The following FOXI3 variants were observed in gnomAD, a reference collection of about 807,000 sequenced individuals.
FOXI3 encodes the protein forkhead box I3.
A neutral mutation model predicts 15.6 loss-of-function variants in FOXI3; 4 were observed. The ratio of observed to expected loss-of-function variants is 0.26; its 90% CI spans 0.13 to 0.59. The LOEUF is 0.59. FOXI3 is among the 20% of genes least tolerant of loss of function. The probability of loss-of-function intolerance (pLI) is 0.90; values close to 1 mark genes in which losing one functional copy is unlikely to be tolerated. For synonymous variants in FOXI3, 238 were observed against 244.4 expected (o/e 0.97, Z 0.25); for missense variants, 489 against 548.2 (o/e 0.89, Z 1.08).
In FOXI3 at chr2:88,447,931, G is replaced by T; in HGVS notation, c.*276C>A. On this transcript the variant is annotated 3_prime_UTR_variant, in exon 2 of 2. Coordinates refer to ENST00000428390, the MANE Select transcript of FOXI3 (RefSeq NM_001135649.3). Reference sequence around the variant, plus strand: ...ATAGACATGGTCCCCGCCCTCACGGGGCTCACAGGCTACCTATCACAGAAG... The same window carrying T: ...ATAGACATGGTCCCCGCCCTCACGGTGCTCACAGGCTACCTATCACAGAAG... 1 of 498,644 alleles carries T rather than the reference G, an allele frequency of 2.0e-6. No homozygotes were observed. The highest frequency in any genetic ancestry group is 3.6e-6 in the Non-Finnish European group (1 of 276,756). The allele number at this position is 498,644 out of a possible 1,614,324, so 30.9% of individuals were successfully genotyped here.
chr2:88,451,805 A>C (rs1676051571), intron 1 of FOXI3, 91 bp downstream of exon 1: 1 of 1,529,308 alleles, frequency 6.5e-7, no homozygotes, highest in African/African-American at 1.4e-5. Flanking sequence ...GACTCCTGGC[A>C]GATCTTCCAG....
rs1675985093 is a variant in FOXI3 at position 88,448,473 on chromosome 2, C to T, written c.997G>A (p.Ala333Thr). The change falls in exon 2 of 2, where the codon GCT becomes ACT. Residue 333 changes from alanine to threonine, a missense_variant. Physicochemically the swap from Ala to Thr is moderately conservative, Grantham distance 58. Coordinates refer to ENST00000428390, the MANE Select transcript of FOXI3 (RefSeq NM_001135649.3). ...SVSSSVSTQR[A>T]LPGSRHLGIQ... ...CCTAGGTGGCGGCTGCCAGGGAGAG[C>T]CCGCTGGGTACTCACACTGCTGCTG... 1.3e-6 allele frequency: 2 copies of T among 1,551,674 alleles called. No homozygotes were observed. Among genetic ancestry groups the T allele is most frequent in the Non-Finnish European group, 1.7e-6 (2 of 1,146,994 alleles).
Position 88,449,622 on chromosome 2 carries a change from A to C in FOXI3, c.641-793T>G, listed in dbSNP as rs139111825. On this transcript the variant is annotated intron_variant, in intron 1 of 1. Coordinates refer to ENST00000428390, the MANE Select transcript of FOXI3 (RefSeq NM_001135649.3). ...AATAAATTTCAGACACCAGGGCCTC[A>C]TTTTTCTGCATGTAATGCTAGTTTT... 2.1e-4 allele frequency among the ~76,000 whole-genome samples: 32 copies of C among 152,236 alleles called. No individual in the cohort carries two copies. In the East Asian group the frequency reaches 6.2e-3, roughly 29 times the overall value.
At chr2:88,450,475 C>T (rs929520297) in intron 1 of FOXI3, among the ~76,000 whole-genome samples, 4 of 151,518 alleles carry the variant, frequency 2.6e-5, no homozygotes, top group African/African-American at 9.7e-5. Context: ...TGGGCTAAGC[C>T]GCCTCCACTT....
rs1675967658 is a variant in FOXI3, at chr2:88,448,058, A to C, written c.*149T>G. ...TTATCTACTACACCCTCATTACTCC[A>C]AGTGTGGTCAAAGGACCACGAGATC... On this transcript the variant is annotated 3_prime_UTR_variant, in exon 2 of 2. Transcript: ENST00000428390. 1 of 687,138 alleles carries C rather than the reference A, an allele frequency of 1.5e-6. No individual in the cohort carries two copies. The highest frequency in any genetic ancestry group is 1.9e-5 in the South Asian group (1 of 52,736). The allele number at this position is 687,138 out of a possible 1,614,324, so 42.6% of individuals were successfully genotyped here.
chr2:88,452,412 A>G lies in FOXI3; in HGVS notation c.124T>C (p.Tyr42His). ...AARAPYGLADYAAPPAAAANP... is the reference protein window; with the variant it reads ...AARAPYGLADHAAPPAAAANP... Reference sequence around the variant, plus strand: ...GCGGCGGCGGCCGGCGGCGCGGCGTAGTCGGCCAGCCCGTAAGGCGCCCTG... The same window carrying G: ...GCGGCGGCGGCCGGCGGCGCGGCGTGGTCGGCCAGCCCGTAAGGCGCCCTG... The change falls in exon 1 of 2, where the codon TAC becomes CAC. Residue 42 changes from tyrosine to histidine, a missense_variant. Physicochemically the swap from Tyr to His is moderately conservative, Grantham distance 83 (BLOSUM62 2). Transcript: ENST00000428390. 1 of 1,001,494 alleles carries G rather than the reference A, an allele frequency of 1.0e-6. No homozygotes were observed. The highest frequency in any genetic ancestry group is 1.2e-6 in the Non-Finnish European group (1 of 843,420). The allele number at this position is 1,001,494 out of a possible 1,614,324, so 62.0% of individuals were successfully genotyped here.
chr2:88,448,737 T>C lies in FOXI3; in HGVS notation c.733A>G (p.Ser245Gly). Residue 245 changes from serine (S) to glycine (G), a missense_variant, in exon 2 of 2, where the codon AGC becomes GGC. By Grantham distance (56) the Ser-to-Gly change is moderately conservative. Coordinates refer to ENST00000428390, the MANE Select transcript of FOXI3 (RefSeq NM_001135649.3). ...RRKRKRRSEASNGSTVAAGTS... is the reference protein window; with the variant it reads ...RRKRKRRSEAGNGSTVAAGTS... ...CCAGCAGCCACTGTGGAGCCATTGC[T>C]GGCCTCAGAGCGGCGCTTTCGCTTC... 1 of 1,552,000 alleles carries C rather than the reference T, an allele frequency of 6.4e-7. No homozygotes were observed. Among genetic ancestry groups the C allele is most frequent in the Non-Finnish European group, 8.7e-7 (1 of 1,147,066 alleles).
At chr2:88,451,640 G>T (rs1284539012) in intron 1 of FOXI3, among the ~76,000 whole-genome samples, 1 of 152,046 alleles carries the variant, frequency 6.6e-6, no homozygotes, top group Non-Finnish European at 1.5e-5. Context: ...GATTTTTTTC[G>T]TTTCTCTAAT....
Position 88,448,408 on chromosome 2 carries a change from G to A in FOXI3, c.1062C>T (p.Ser354=). ...CTGAGGCCTCTGAGATGGAGGTCGG[G>A]GAGAACACGCCGCTGGAGGGCAGCT... is the stretch of plus-strand genomic sequence containing the variant. ...GAQLPSSGVF[S]PTSISEASAD... Residue 354 remains serine, a synonymous_variant, in exon 2 of 2, where the codon TCC becomes TCT. Coordinates refer to ENST00000428390, the MANE Select transcript of FOXI3 (RefSeq NM_001135649.3). The A allele has an allele frequency of 6.4e-7, 1 of 1,551,692 alleles. No homozygotes were observed. Among genetic ancestry groups the A allele is most frequent in the Non-Finnish European group, 8.7e-7 (1 of 1,146,984 alleles).
Position 88,452,660 on chromosome 2 carries a change from G to T in FOXI3, c.-125C>A. ...GGCTCCGCCTTCACCCGCGCTGGGC[G>T]CCCGGTGCTCCGGGCCGGGGTCGGG... On this transcript the variant is annotated 5_prime_UTR_variant, in exon 1 of 2. Transcript: ENST00000428390. The T allele has an allele frequency of 2.0e-6, 1 of 508,304 alleles. No individual in the cohort carries two copies. Among genetic ancestry groups the T allele is most frequent in the Non-Finnish European group, 2.6e-6 (1 of 381,742 alleles). 31.5% of individuals were successfully genotyped at this position (508,304 alleles called of 1,614,324 possible).
At chr2:88,451,169 A>G (rs531171720) in intron 1 of FOXI3, among the ~76,000 whole-genome samples, 1 of 152,236 alleles carries the variant, frequency 6.6e-6, no homozygotes, top group East Asian at 1.9e-4. Flanking sequence ...TCTACCTCTC[A>G]GAGAAGGTTA....
intron 1 of FOXI3, among the ~76,000 whole-genome samples, chr2:88,450,521 T>A (rs920237216): frequency 6.6e-6 from 1 of 151,402 alleles, no homozygotes; most frequent in African/African-American, 2.4e-5. Context: ...GGGAAAAAAA[T>A]TACATAACTA....
intron 1 of FOXI3, among the ~76,000 whole-genome samples, chr2:88,451,491 T>G (rs542155530): frequency 4.6e-5 from 7 of 152,272 alleles, no homozygotes; most frequent in African/African-American, 1.7e-4. Flanking sequence ...CCGCGTCTTC[T>G]GCGAAACGTG....
At chr2:88,450,171 C>G (rs1676017283) in intron 1 of FOXI3, among the ~76,000 whole-genome samples, 1 of 151,972 alleles carries the variant, frequency 6.6e-6, no homozygotes, top group African/African-American at 2.4e-5. Flanking sequence ...TGGCTCACGC[C>G]TATAATCCTA....
In FOXI3 at chr2:88,451,976, G is replaced by A; in HGVS notation, c.560C>T (p.Ala187Val). The A allele has an allele frequency of 6.2e-7, 1 of 1,612,426 alleles. No homozygotes were observed. The highest frequency in any genetic ancestry group is 8.5e-7 in the Non-Finnish European group (1 of 1,179,294). The stretch of plus-strand genomic sequence containing the variant: ...GTGGCGGATGGAGTTCTGCCAGCCG[G>A]CCTTGCTGCGCTGGTAGAAGGGGAA... ...DSFPFYQRSK[A>V]GWQNSIRHNL... Residue 187 changes from alanine to valine, a missense_variant, in exon 1 of 2, where the codon GCC (alanine) becomes GTC (valine). By Grantham distance (64) the Ala-to-Val change is moderately conservative. This residue lies in a region of FOXI3 where 224 missense variants were observed against 245.7 expected (regional missense o/e 0.91). Coordinates refer to ENST00000428390, the MANE Select transcript of FOXI3 (RefSeq NM_001135649.3).
At position 88,452,185 on chromosome 2, in the gene FOXI3, G is replaced by C; in HGVS notation, c.351C>G (p.Pro117=). The change falls in exon 1 of 2, where the codon CCC becomes CCG. Residue 117 remains proline, a synonymous_variant. Coordinates refer to ENST00000428390, the MANE Select transcript of FOXI3 (RefSeq NM_001135649.3). The part of the protein sequence containing the change: ...RPFAQPAPAA[P]ASPAAPAGPG... ...GCCCCGCGGGCGCGGCGGGCGAGGC[G>C]GGCGCGGCGGGCGCGGGCTGCGCGA... 8.1e-7 allele frequency: 1 copy of C among 1,230,662 alleles called. No individual in the cohort carries two copies. The highest frequency in any genetic ancestry group is 1.6e-5 in the African/African-American group (1 of 62,580). 76.2% of individuals were successfully genotyped at this position (1,230,662 alleles called of 1,614,324 possible).
chr2:88,450,216 A>C (rs765154084), intron 1 of FOXI3, among the ~76,000 whole-genome samples: 1 of 152,134 alleles, frequency 6.6e-6, no homozygotes, highest in Non-Finnish European at 1.5e-5. Context: ...GGGTCACTTG[A>C]AGCTTAGCAG....
Position 88,451,999 on chromosome 2 carries a change from G to A in FOXI3, c.537C>T (p.Phe179=), listed in dbSNP as rs1196255182. The A allele has an allele frequency of 5.0e-6, 8 of 1,611,370 alleles. No homozygotes were observed. The highest frequency in any genetic ancestry group is 6.8e-6 in the Non-Finnish European group (8 of 1,178,758). Residue 179 remains phenylalanine, a synonymous_variant, in exon 1 of 2, where the codon TTC becomes TTT. Transcript: ENST00000428390. Reference sequence around the variant, plus strand: ...CGGCCTTGCTGCGCTGGTAGAAGGGGAAGCTATCGGCGACGAACTGGTAGA... The same window carrying A: ...CGGCCTTGCTGCGCTGGTAGAAGGGAAAGCTATCGGCGACGAACTGGTAGA... ...SHIYQFVADS[F]PFYQRSKAGW...
Position 88,452,055 on chromosome 2 carries a change from C to T in FOXI3, c.481G>A (p.Ala161Thr). 6.3e-7 allele frequency: 1 copy of T among 1,589,294 alleles called. No individual in the cohort carries two copies. Among genetic ancestry groups the T allele is most frequent in the Non-Finnish European group, 8.6e-7 (1 of 1,168,242 alleles). ...SALIAMAIQS[A>T]PERKLTLSHI... Reference sequence around the variant, plus strand: ...CTGAGAGTGAGTTTGCGCTCGGGCGCGCTCTGAATGGCCATGGCGATGAGC... The same window carrying T: ...CTGAGAGTGAGTTTGCGCTCGGGCGTGCTCTGAATGGCCATGGCGATGAGC... Residue 161 changes from alanine (A) to threonine (T), a missense_variant, in exon 1 of 2, where the codon GCG (alanine) becomes ACG (threonine). Ala to Thr is a moderately conservative substitution (Grantham distance 58, BLOSUM62 0). Around this residue, in one of 3 missense-constraint regions of FOXI3, gnomAD observed 224 missense variants for 245.7 expected, o/e 0.91. Transcript: ENST00000428390.
Sources: gnomAD v4.1 joint callset for allele counts (sites outside exome capture counted in the v4.1 genomes callset) on GRCh38, gnomAD v4.1.1 for gene constraint, gnomAD v4.1.1 regional missense constraint, MANE v1.5 for transcripts, NCBI Gene and HGNC (gene_info 2026-07-23, HGNC 2026-07-21) for gene names.